Variants in TRIM23 observed in about 807,000 individuals in gnomAD.
TRIM23 encodes the protein tripartite motif containing 23, also known as E3 ubiquitin-protein ligase TRIM23.
Under a neutral mutation model 71.0 loss-of-function variants are expected in TRIM23, and 27 were observed. The observed-to-expected ratio is 0.38, with a 90% CI of 0.28 to 0.52. The LOEUF (loss-of-function observed/expected upper bound fraction) is 0.52, where lower values mean the gene tolerates loss of function less well. Ranked by LOEUF, TRIM23 falls within the 20% of genes least tolerant of loss-of-function variation. The pLI, the probability that TRIM23 is intolerant of heterozygous loss-of-function variation, is 0.84. For synonymous variants in TRIM23, 234 were observed against 238.0 expected (o/e 0.98, Z 0.16); for missense variants, 482 against 692.3 (o/e 0.70, Z 3.41).
chr5:65,593,294 G>T (rs1278032304), intron 10 of TRIM23, among the ~76,000 whole-genome samples: 2 of 152,128 alleles, frequency 1.3e-5, no homozygotes, highest in South Asian at 4.1e-4. Flanking sequence ...AGTTAGCCGG[G>T]TGTGGTAGCA....
chr5:65,616,990 G>A (rs1358292788), intron 2 of TRIM23, among the ~76,000 whole-genome samples: 1 of 152,044 alleles, frequency 6.6e-6, no homozygotes, highest in African/African-American at 2.4e-5. Flanking sequence ...GCAAAGTTCT[G>A]GATTACAGGT....
intron 7 of TRIM23, among the ~76,000 whole-genome samples, chr5:65,601,551 T>C (rs1391385265): frequency 3.3e-5 from 5 of 152,218 alleles, no homozygotes; most frequent in African/African-American, 1.2e-4. Flanking sequence ...CATGATTCAA[T>C]TACCTCACCC....
chr5:65,591,851 G>A lies in TRIM23; in HGVS notation c.1643C>T (p.Ala548Val). The part of the protein sequence containing the change: ...GRSWYIQGCD[A>V]RSGMGLYEGL... ...TTCATACAGTCCCATACCACTTCGA[G>A]CATCACAGCCCTGAATATACCAGCT... is the stretch of plus-strand genomic sequence containing the variant. Residue 548 changes from alanine to valine, a missense_variant, in exon 11 of 11, where the codon GCT becomes GTT. By Grantham distance (64) the Ala-to-Val change is moderately conservative. Coordinates refer to ENST00000231524, the MANE Select transcript of TRIM23 (RefSeq NM_001656.4). The A allele has an allele frequency of 6.2e-7, 1 of 1,613,906 alleles. No individual in the cohort carries two copies. The highest frequency in any genetic ancestry group is 8.5e-7 in the Non-Finnish European group (1 of 1,179,954).
Position 65,590,400 on chromosome 5 carries a change from A to G in TRIM23, c.*1369T>C. 7.0e-7 allele frequency: 1 copy of G among 1,437,338 alleles called. No individual in the cohort carries two copies. The allele number at this position is 1,437,338 out of a possible 1,614,324, so 89.0% of individuals were successfully genotyped here. ...TAATGCTTTGTTTTCTAAAACTTGTATTGTTTTTAAACAAAAATAGATTTG... is the reference window on the plus strand; with the variant it reads ...TAATGCTTTGTTTTCTAAAACTTGTGTTGTTTTTAAACAAAAATAGATTTG... On this transcript the variant is annotated 3_prime_UTR_variant, in exon 11 of 11. Transcript: ENST00000231524.
At chr5:65,623,289 C>G (rs1242967404) in intron 1 of TRIM23, among the ~76,000 whole-genome samples, 1 of 152,166 alleles carries the variant, frequency 6.6e-6, no homozygotes, top group East Asian at 1.9e-4. Context: ...CTGATGTCAA[C>G]CTCATCAGAA....
intron 6 of TRIM23, chr5:65,607,287 T>C (rs1754533604): frequency 6.6e-6 from 1 of 152,220 alleles, no homozygotes; most frequent in East Asian, 1.9e-4. Flanking sequence ...TACTGTATCA[T>C]TAAAAATTAC....
intron 7 of TRIM23, among the ~76,000 whole-genome samples, chr5:65,601,864 C>G (rs961934088): frequency 6.6e-6 from 1 of 152,194 alleles, no homozygotes. Context: ...TGGCCCCTTT[C>G]AGCCACAGCT....
chr5:65,596,296 G>T, intron 9 of TRIM23, 125 bp downstream of exon 9: 1 of 667,856 alleles, frequency 1.5e-6, no homozygotes, highest in South Asian at 1.8e-5. Flanking sequence ...TAAGAAACTG[G>T]CCACAGGTAC....
At chr5:65,615,938 G>C (rs1160146499) in intron 2 of TRIM23, among the ~76,000 whole-genome samples, 1 of 152,122 alleles carries the variant, frequency 6.6e-6, no homozygotes, top group Non-Finnish European at 1.5e-5. Context: ...CACAAACAGG[G>C]ACACAGCCTA....
At chr5:65,612,283 ATGATGAT>A in intron 3 of TRIM23, among the ~76,000 whole-genome samples, 1 of 152,358 alleles carries the variant, frequency 6.6e-6, no homozygotes, top group South Asian at 2.1e-4. Flanking sequence ...ATTAGTTGTC[ATGATGAT>A]GTATAGGAAG....
In TRIM23 at chr5:65,591,422, C is replaced by T; in HGVS notation, c.*347G>A. 1 of 1,588,540 alleles carries T rather than the reference C, an allele frequency of 6.3e-7. No individual in the cohort carries two copies. The highest frequency in any genetic ancestry group is 8.6e-7 in the Non-Finnish European group (1 of 1,168,738). On this transcript the variant is annotated 3_prime_UTR_variant, in exon 11 of 11. Transcript: ENST00000231524. ...GGCACTCAATTGGCTATTCTTTTTT[C>T]ACTGAAAGAATAAACCTTCACTTAC...
rs148708329 is a variant in TRIM23, at chr5:65,609,399, A to G, written c.888T>C (p.His296=). Residue 296 remains histidine, a synonymous_variant, in exon 6 of 11, where the codon CAT becomes CAC. Coordinates refer to ENST00000231524, the MANE Select transcript of TRIM23 (RefSeq NM_001656.4). ...SCIRAYFYDL[H]ETLCRQEEMA... is the part of the protein sequence containing the mutation. ...TTTCTTCTTGACGACACAGAGTTTCATGTAGATCATAAAAATAAGCTCGAA... is the reference window on the plus strand; with the variant it reads ...TTTCTTCTTGACGACACAGAGTTTCGTGTAGATCATAAAAATAAGCTCGAA... The G allele has an allele frequency of 3.9e-4, 623 of 1,614,062 alleles. No individual in the cohort carries two copies. The highest frequency in any genetic ancestry group is 4.9e-4 in the Non-Finnish European group (574 of 1,180,048).
At chr5:65,592,146 G>A (rs555059225) in intron 10 of TRIM23, among the ~76,000 whole-genome samples, 198 bp from the exon 11 acceptor site, 1 of 152,280 alleles carries the variant, frequency 6.6e-6, no homozygotes, top group South Asian at 2.1e-4. Context: ...ATATGTGTGT[G>A]TATGTATATA....
chr5:65,598,544 G>GT (rs1754271152), intron 7 of TRIM23, among the ~76,000 whole-genome samples: 1 of 152,198 alleles, frequency 6.6e-6, no homozygotes, highest in Non-Finnish European at 1.5e-5. Context: ...GAGGTTAGGA[G>GT]TTCGAGACCA....
chr5:65,601,618 G>A (rs1754366236), intron 7 of TRIM23, among the ~76,000 whole-genome samples: 1 of 152,088 alleles, frequency 6.6e-6, no homozygotes, highest in East Asian at 1.9e-4. Context: ...TTGAGATTTG[G>A]GTGGGGGCAC....
rs149841715 is a variant in TRIM23 at position 65,614,160 on chromosome 5, G to T, written c.304C>A (p.Leu102Met). The T allele has an allele frequency of 6.2e-7, 1 of 1,613,938 alleles. No homozygotes were observed. The highest frequency in any genetic ancestry group is 1.3e-5 in the African/African-American group (1 of 74,924). Reference sequence around the variant, plus strand: ...TACTGACCAATAGGCCCATTCTGCAGTCGTTCCAAAAGCTCCAATAAAGCA... The same window carrying T: ...TACTGACCAATAGGCCCATTCTGCATTCGTTCCAAAAGCTCCAATAAAGCA... ...NFALLELLER[L>M]QNGPIGQYGA... Residue 102 changes from leucine to methionine, a missense_variant, in exon 3 of 11, where the codon CTG becomes ATG. Transcript: ENST00000231524.
intron 7 of TRIM23, among the ~76,000 whole-genome samples, 200 bp from the exon 8 acceptor site, chr5:65,597,380 T>C (rs1383078179): frequency 6.6e-6 from 1 of 151,422 alleles, no homozygotes. Flanking sequence ...CTGACCACTT[T>C]GTCTTTGTAT....
chr5:65,624,327 C>T lies in TRIM23; in HGVS notation c.-53G>A. On this transcript the variant is annotated 5_prime_UTR_variant, in exon 1 of 11. Transcript: ENST00000231524. ...GCCTTCAGAGTCCTCAACTGAGAGGCGGGGTTGAGCCACCTACCCAGAGGC... is the reference window on the plus strand; with the variant it reads ...GCCTTCAGAGTCCTCAACTGAGAGGTGGGGTTGAGCCACCTACCCAGAGGC... 6.3e-7 allele frequency: 1 copy of T among 1,594,572 alleles called. No individual in the cohort carries two copies. Among genetic ancestry groups the T allele is most frequent in the South Asian group, 1.1e-5 (1 of 89,510 alleles).
intron 1 of TRIM23, among the ~76,000 whole-genome samples, chr5:65,621,994 A>AT (rs1284065379): frequency 1.3e-5 from 2 of 150,872 alleles, no homozygotes; most frequent in East Asian, 3.9e-4. Flanking sequence ...CGCCTGGCTA[A>AT]TTTTTTTTTA....
Sources: allele counts gnomAD v4.1 joint callset (sites outside exome capture counted in the v4.1 genomes callset), GRCh38; gene constraint gnomAD v4.1.1; transcripts MANE v1.5; gene names NCBI Gene and HGNC (gene_info 2026-07-23, HGNC 2026-07-21).